The following ZNF503 variants were observed in gnomAD, a reference collection of about 807,000 sequenced individuals.
ZNF503 encodes the protein NocA-like zinc finger 2.
A neutral mutation model predicts 34.4 loss-of-function variants in ZNF503; 15 were observed. That is an observed-to-expected ratio of 0.44 (90% confidence interval 0.29 to 0.67). The LOEUF (loss-of-function observed/expected upper bound fraction) is 0.67, where lower values mean the gene tolerates loss of function less well. ZNF503 is among the 30% of genes least tolerant of loss of function. The pLI is 0.13. For missense variants in ZNF503, 1,007 were observed against 926.8 expected, an observed-to-expected ratio of 1.09 and a Z score of -1.12; for synonymous variants, 580 against 456.8, an observed-to-expected ratio of 1.27 and a Z score of -3.44.
chr10:75,393,267 C>G (rs1301336477), downstream of ZNF503, among the ~76,000 whole-genome samples: 2 of 152,184 alleles, frequency 1.3e-5, no homozygotes, highest in Non-Finnish European at 2.9e-5. Context: ...AGGTTCAAAT[C>G]CCAGCTATAC....
chr10:75,298,666 G>T, the ZNF503 span, among the ~76,000 whole-genome samples: 1 of 152,094 alleles, frequency 6.6e-6, no homozygotes, highest in Non-Finnish European at 1.5e-5. Flanking sequence ...GAACATTTAT[G>T]TACAAGTTTT....
chr10:75,320,753 G>A, the ZNF503 span, among the ~76,000 whole-genome samples: 1 of 152,080 alleles, frequency 6.6e-6, no homozygotes, highest in South Asian at 2.1e-4. Flanking sequence ...ATGCAAAGTT[G>A]TTTTAATATT....
the ZNF503 span, among the ~76,000 whole-genome samples, chr10:75,312,369 CAAGAG>C: frequency 1.3e-5 from 2 of 151,936 alleles, no homozygotes; most frequent in African/African-American, 4.8e-5. Context: ...GGAATGGAAT[CAAGAG>C]AAAAGAATCA....
rs764566757 is a variant in ZNF503 at position 75,400,372 on chromosome 10, G to C, written c.318C>G (p.Leu106=). The part of the protein sequence containing the change: ...LPSTPVSPIE[L]DAKKSPLALL... The stretch of plus-strand genomic sequence containing the variant: ...GCGCCAGCGGGCTCTTCTTGGCATC[G>C]AGCTGCGGGGTCAGACGATGGGGGG... Residue 106 remains leucine (L), a splice_region_variant and synonymous_variant, in exon 2 of 2, where the codon CTC becomes CTG. Transcript: ENST00000372524. The C allele has an allele frequency of 1.9e-5, 31 of 1,603,526 alleles. No individual in the cohort carries two copies. The African/African-American group carries it at 3.3e-4, about 17-fold the overall frequency.
chr10:75,350,685 C>T, the ZNF503 span, among the ~76,000 whole-genome samples: 1 of 151,930 alleles, frequency 6.6e-6, no homozygotes, highest in Non-Finnish European at 1.5e-5. Context: ...GTAGCTGGGA[C>T]TGTAAGCCCA....
chr10:75,363,226 G>T, the ZNF503 span, among the ~76,000 whole-genome samples: 1 of 152,168 alleles, frequency 6.6e-6, no homozygotes, highest in Non-Finnish European at 1.5e-5. Context: ...ACAGCCCCCA[G>T]CCCGGGAGAC....
chr10:75,364,487 C>A, the ZNF503 span, among the ~76,000 whole-genome samples: 2 of 152,158 alleles, frequency 1.3e-5, no homozygotes, highest in Admixed American at 6.5e-5. Flanking sequence ...CCTGACCAGG[C>A]CCTGGAGAAA....
the ZNF503 span, among the ~76,000 whole-genome samples, chr10:75,365,328 A>G: frequency 6.6e-6 from 1 of 152,128 alleles, no homozygotes; most frequent in Admixed American, 6.5e-5. Context: ...TTGTATTTTT[A>G]GTAGAGACGG....
the ZNF503 span, among the ~76,000 whole-genome samples, chr10:75,319,457 A>G: frequency 6.6e-6 from 1 of 152,194 alleles, no homozygotes; most frequent in Non-Finnish European, 1.5e-5. Flanking sequence ...TGTATATATA[A>G]TGTAATACCT....
the ZNF503 span, among the ~76,000 whole-genome samples, chr10:75,324,326 C>T: frequency 0.76 from 114,218 of 150,374 alleles, 44,017 homozygotes; most frequent in African/African-American, 0.87. Context: ...GTTTGTTTTT[C>T]TGTTTTTTTT....
chr10:75,356,849 C>G, the ZNF503 span, among the ~76,000 whole-genome samples: 2 of 152,168 alleles, frequency 1.3e-5, no homozygotes, highest in African/African-American at 4.8e-5. Context: ...ATAACTCCTC[C>G]CCCGGGAGGC....
the ZNF503 span, chr10:75,296,386 T>G: frequency 6.6e-6 from 1 of 152,310 alleles, no homozygotes; most frequent in Non-Finnish European, 1.5e-5. Context: ...ACGTTGTGAG[T>G]GGCATCAGGA....
At chr10:75,332,426 A>G in the ZNF503 span, among the ~76,000 whole-genome samples, 1 of 142,162 alleles carries the variant, frequency 7.0e-6, no homozygotes, top group Non-Finnish European at 1.5e-5. Context: ...CTATCTATCT[A>G]TTTCTTAATG....
the ZNF503 span, among the ~76,000 whole-genome samples, chr10:75,378,569 C>T: frequency 6.6e-6 from 1 of 152,186 alleles, no homozygotes; most frequent in Admixed American, 6.5e-5. Flanking sequence ...GGCAGCCCTC[C>T]ATCCATCCTC....
the ZNF503 span, among the ~76,000 whole-genome samples, chr10:75,293,393 A>G: frequency 1.6e-4 from 24 of 152,204 alleles, 2 homozygotes; most frequent in East Asian, 1.9e-3. Flanking sequence ...CTTTCCAGGT[A>G]GGCAGGAAGG....
At chr10:75,349,081 C>T in the ZNF503 span, among the ~76,000 whole-genome samples, 151 of 152,220 alleles carry the variant, frequency 9.9e-4, 1 homozygote, top group South Asian at 0.019. Flanking sequence ...TTTCACATCT[C>T]CTAAGAACAA....
the ZNF503 span, among the ~76,000 whole-genome samples, chr10:75,320,455 C>T: frequency 1.1e-4 from 17 of 151,562 alleles, no homozygotes; most frequent in South Asian, 2.1e-4. Flanking sequence ...CACTCCAGCA[C>T]GGGCAACAGA....
the ZNF503 span, among the ~76,000 whole-genome samples, chr10:75,383,306 T>G: frequency 1.3e-5 from 2 of 152,198 alleles, no homozygotes; most frequent in African/African-American, 4.8e-5. Flanking sequence ...GAAAACTCTA[T>G]TCTAGGGTGC....
At chr10:75,294,700 G>A in the ZNF503 span, among the ~76,000 whole-genome samples, 10 of 150,432 alleles carry the variant, frequency 6.6e-5, no homozygotes, top group Non-Finnish European at 1.3e-4. Context: ...TGAGCGGAGC[G>A]GGGAAGGAAG....
Sources: allele counts gnomAD v4.1 joint callset (sites outside exome capture counted in the v4.1 genomes callset), GRCh38; gene constraint gnomAD v4.1.1; transcripts MANE v1.5; gene names NCBI Gene and HGNC (gene_info 2026-07-23, HGNC 2026-07-21).